Variants in WDR27 observed in about 807,000 individuals in gnomAD.
WDR27 encodes WD repeat domain 27.
WDR27 carries 100 observed loss-of-function variants against 114.4 expected under a neutral mutation model. That is an observed-to-expected ratio of 0.87 (90% CI 0.74 to 1.03). The LOEUF (loss-of-function observed/expected upper bound fraction) is 1.03, where lower values mean the gene tolerates loss of function less well. WDR27 is among the 50% of genes least tolerant of loss of function. The probability of loss-of-function intolerance (pLI) is 0.00; values close to 1 mark genes in which losing one functional copy is unlikely to be tolerated. For synonymous variants in WDR27, 449 were observed against 423.1 expected (o/e 1.06, Z -0.75); for missense variants, 1,129 against 1,092.9 (o/e 1.03, Z -0.47).
chr6:169,555,232 C>G (rs1798709114), intron 25 of WDR27, among the ~76,000 whole-genome samples: 1 of 152,180 alleles, frequency 6.6e-6, no homozygotes, highest in Non-Finnish European at 1.5e-5. Context: ...ACGTTAACTT[C>G]ATTTCAGGGG....
intron 25 of WDR27, among the ~76,000 whole-genome samples, chr6:169,540,613 A>G (rs1235891639): frequency 6.6e-6 from 1 of 152,038 alleles, no homozygotes; most frequent in East Asian, 1.9e-4. Context: ...TATTTTTAGT[A>G]GAGACAGGGT....
At chr6:169,631,640 C>A (rs74793933) in intron 21 of WDR27, among the ~76,000 whole-genome samples, 2,067 of 152,198 alleles carry the variant, frequency 0.014, 51 homozygotes, top group African/African-American at 0.048. Flanking sequence ...CCATCCAGAC[C>A]GACATGCAGG....
At chr6:169,479,334 G>A (rs1278985447) in intron 25 of WDR27, among the ~76,000 whole-genome samples, 1 of 152,052 alleles carries the variant, frequency 6.6e-6, no homozygotes, top group Non-Finnish European at 1.5e-5. Context: ...AAACTACAAT[G>A]AGATACCATC....
chr6:169,492,707 C>T (rs894745488), intron 25 of WDR27, among the ~76,000 whole-genome samples: 1 of 151,652 alleles, frequency 6.6e-6, no homozygotes, highest in South Asian at 2.1e-4. Flanking sequence ...AAGAATGGAA[C>T]CTAGAAGGAA....
chr6:169,611,308 T>TC (rs1399519931), intron 22 of WDR27, among the ~76,000 whole-genome samples: 2 of 146,870 alleles, frequency 1.4e-5, no homozygotes, highest in East Asian at 4.0e-4. Context: ...TTTACTTACT[T>TC]TTTTTTTTTT....
chr6:169,607,165 G>A (rs1252897154), intron 22 of WDR27, among the ~76,000 whole-genome samples: 1 of 152,070 alleles, frequency 6.6e-6, no homozygotes, highest in African/African-American at 2.4e-5. Flanking sequence ...CAACCTCTAC[G>A]CAAAACAATG....
intron 25 of WDR27, among the ~76,000 whole-genome samples, chr6:169,553,058 C>CTGTG (rs3033612): frequency 0.12 from 3,633 of 30,148 alleles, 1,081 homozygotes; most frequent in Admixed American, 0.16. Flanking sequence ...CCTGGAGGGC[C>CTGTG]TGTGTGTGTG....
intron 23 of WDR27, among the ~76,000 whole-genome samples, chr6:169,587,938 A>C (rs544781982): frequency 6.6e-6 from 1 of 152,316 alleles, no homozygotes; most frequent in East Asian, 1.9e-4. Context: ...TTTTTCTGTA[A>C]AGCCGTGGCT....
intron 25 of WDR27, among the ~76,000 whole-genome samples, chr6:169,475,188 C>T (rs1427674494): frequency 6.6e-6 from 1 of 152,174 alleles, no homozygotes; most frequent in Admixed American, 6.5e-5. Context: ...ACAGGGTTTA[C>T]AAAAATATTA....
At chr6:169,636,768 A>G (rs966909621) in intron 18 of WDR27, among the ~76,000 whole-genome samples, 9 of 152,240 alleles carry the variant, frequency 5.9e-5, no homozygotes, top group Non-Finnish European at 1.0e-4. Context: ...AGCAGTAAAC[A>G]TACTAAGTAC....
chr6:169,637,635 C>A (rs181320913), intron 18 of WDR27, among the ~76,000 whole-genome samples: 2 of 150,620 alleles, frequency 1.3e-5, no homozygotes, highest in African/African-American at 4.9e-5. Flanking sequence ...TGTAAGCATG[C>A]GTATGTGTAT....
chr6:169,442,465 A>G, the WDR27 span, among the ~76,000 whole-genome samples: 1 of 152,234 alleles, frequency 6.6e-6, no homozygotes, highest in African/African-American at 2.4e-5. Flanking sequence ...ATTTTCTTTT[A>G]CAGGTGAAAG....
intron 20 of WDR27, among the ~76,000 whole-genome samples, chr6:169,633,667 C>T (rs540419804): frequency 3.3e-5 from 5 of 152,286 alleles, no homozygotes; most frequent in African/African-American, 1.2e-4. Context: ...GTGGTGGGAA[C>T]CCAGGTGCAC....
intron 16 of WDR27, among the ~76,000 whole-genome samples, chr6:169,645,043 A>AG (rs1661857420): frequency 1.7e-5 from 1 of 59,680 alleles, no homozygotes; most frequent in African/African-American, 1.2e-4. Flanking sequence ...AAATAAAAAA[A>AG]AAAAAAAAAA....
At chr6:169,700,680 CAAGA>C (rs1206200707) in intron 1 of WDR27, among the ~76,000 whole-genome samples, 22 of 152,212 alleles carry the variant, frequency 1.4e-4, no homozygotes, top group Admixed American at 1.2e-3. Context: ...ACTGTGTGAG[CAAGA>C]AACATGCAAC....
chr6:169,458,554 T>C (rs73789956), intron 25 of WDR27, among the ~76,000 whole-genome samples: 1 of 150,894 alleles, frequency 6.6e-6, no homozygotes. Context: ...GACTGTGGAG[T>C]CCAAGGTGGG....
Position 169,636,476 on chromosome 6 carries a change from T to C in WDR27, c.1898A>G (p.Gln633Arg), listed in dbSNP as rs182986174. ...LGKDMFSKPI[Q>R]SAQFYYIDAF... ...ATCTATATAATAGAACTGTGCAGAC[T>C]GTATAGGTTTAGAAAACATGTCTTT... Residue 633 changes from glutamine (Q) to arginine (R), a missense_variant, in exon 19 of 26, where the codon CAG becomes CGG. By Grantham distance (43) the Gln-to-Arg change is conservative. Coordinates refer to ENST00000448612, the MANE Select transcript of WDR27 (RefSeq NM_182552.5). 1.5e-5 allele frequency: 24 copies of C among 1,612,454 alleles called. No homozygotes were observed. Among genetic ancestry groups the C allele is most frequent in the East Asian group, 8.9e-5 (4 of 44,854 alleles).
At chr6:169,699,207 G>A (rs557663326) in intron 1 of WDR27, among the ~76,000 whole-genome samples, 3 of 152,276 alleles carry the variant, frequency 2.0e-5, no homozygotes, top group South Asian at 4.1e-4. Flanking sequence ...GAATGGACAC[G>A]AAAAGAAAGT....
rs73790027 is a variant in WDR27 at position 169,571,242 on chromosome 6, C to T, written c.2645+1177G>A. Reference sequence around the variant, plus strand: ...CAGATTTAAATTTCACACCCACATACCTTAGTCAGAAAAAAATTAAAAAAA... The same window carrying T: ...CAGATTTAAATTTCACACCCACATATCTTAGTCAGAAAAAAATTAAAAAAA... On this transcript the variant is annotated intron_variant, in intron 25 of 25. Transcript: ENST00000448612. 6.5e-3 allele frequency among the ~76,000 whole-genome samples: 947 copies of T among 145,280 alleles called. 12 individuals carry two copies. The highest frequency in any genetic ancestry group is 0.024 in the African/African-American group (910 of 38,196).
Sources: gnomAD v4.1 joint callset for allele counts (sites outside exome capture counted in the v4.1 genomes callset) on GRCh38, gnomAD v4.1.1 for gene constraint, MANE v1.5 for transcripts, NCBI Gene and HGNC (gene_info 2026-07-23, HGNC 2026-07-21) for gene names.